Variants in ERCC6L2 observed in about 807,000 individuals in gnomAD.
ERCC6L2 encodes the protein DNA excision repair protein ERCC-6-like 2.
ERCC6L2 carries 77 observed loss-of-function variants against 132.0 expected under a neutral mutation model. The observed-to-expected ratio is 0.58, with a 90% confidence interval of 0.49 to 0.71. The LOEUF is 0.71. Among genes scored for constraint, ERCC6L2 ranks in the 30% least tolerant of loss-of-function variants. ERCC6L2 has a pLI of 0.00. For synonymous variants in ERCC6L2, 583 were observed against 632.4 expected (o/e 0.92, Z 1.17); for missense variants, 1,542 against 1,837.6 (o/e 0.84, Z 2.94).
intron 2 of ERCC6L2, among the ~76,000 whole-genome samples, chr9:95,892,775 C>T (rs989284076): frequency 6.6e-6 from 1 of 152,132 alleles, no homozygotes; most frequent in Non-Finnish European, 1.5e-5. Flanking sequence ...TATTTTGAAG[C>T]TCCGTTATTA....
chr9:95,881,303 T>G lies in ERCC6L2; in HGVS notation c.471+10T>G. 3.2e-6 allele frequency: 5 copies of G among 1,539,810 alleles called. No individual in the cohort carries two copies. Among genetic ancestry groups the G allele is most frequent in the Non-Finnish European group, 4.3e-6 (5 of 1,149,524 alleles). ...TGGAAAAACAGTACAGGTATTTAAT[T>G]ATGTTATAACAGTAAAGTCACTTTA... is the stretch of plus-strand genomic sequence containing the variant. On this transcript the variant is annotated intron_variant, in intron 2 of 18. Transcript: ENST00000653738.
intron 9 of ERCC6L2, 46 bp from the exon 10 acceptor site, chr9:95,928,033 C>T (rs555191751): frequency 7.5e-6 from 10 of 1,335,968 alleles, no homozygotes; most frequent in Middle Eastern, 1.8e-4. Flanking sequence ...ATAAAGTGTA[C>T]TTTTAGTTGG....
chr9:95,973,299 T>C (rs1832512581), intron 16 of ERCC6L2, among the ~76,000 whole-genome samples: 1 of 152,154 alleles, frequency 6.6e-6, no homozygotes. Flanking sequence ...ACCCCCTCCA[T>C]GTGCCCATCT....
At chr9:95,899,159 A>T (rs925169294) in intron 3 of ERCC6L2, among the ~76,000 whole-genome samples, 4 of 152,104 alleles carry the variant, frequency 2.6e-5, no homozygotes, top group Admixed American at 2.6e-4. Flanking sequence ...ATATTATAGA[A>T]CAAGAATGGG....
At chr9:95,939,519 T>C (rs680754) in intron 11 of ERCC6L2, among the ~76,000 whole-genome samples, 101,350 of 152,102 alleles carry the variant, frequency 0.67, 34,792 homozygotes, top group African/African-American at 0.83. Flanking sequence ...CTGTTGTTCA[T>C]ATTTCGTGAA....
intron 19 of ERCC6L2, among the ~76,000 whole-genome samples, chr9:96,027,420 C>A (rs150197892): frequency 1.3e-5 from 2 of 152,230 alleles, no homozygotes; most frequent in Non-Finnish European, 2.9e-5. Flanking sequence ...AGCGACTGGG[C>A]GAGGGAGGAA....
intron 2 of ERCC6L2, among the ~76,000 whole-genome samples, chr9:95,887,574 G>T (rs1309805390): frequency 2.6e-5 from 4 of 152,110 alleles, no homozygotes; most frequent in Non-Finnish European, 5.9e-5. Context: ...ATTTTGCAAA[G>T]CATGAAGACA....
chr9:95,902,361 T>C lies in ERCC6L2; in HGVS notation c.594+4390T>C, dbSNP rs182381483. 4.0e-3 allele frequency among the ~76,000 whole-genome samples: 605 copies of C among 152,222 alleles called. 2 individuals are homozygous for C. The highest frequency in any genetic ancestry group is 0.014 in the African/African-American group (577 of 41,566). On this transcript the variant is annotated intron_variant, in intron 3 of 18. Coordinates refer to ENST00000653738, the MANE Select transcript of ERCC6L2 (RefSeq NM_020207.7). ...AAGCTTTAGAGATTCTAAGTAAAATTCATAATTAATGCAAAAGAGGAGGAT... is the reference window on the plus strand; with the variant it reads ...AAGCTTTAGAGATTCTAAGTAAAATCCATAATTAATGCAAAAGAGGAGGAT...
At chr9:96,012,073 T>TA (rs1331096929) in intron 18 of ERCC6L2, among the ~76,000 whole-genome samples, 152 bp from the exon 19 acceptor site, 1 of 152,244 alleles carries the variant, frequency 6.6e-6, no homozygotes, top group Non-Finnish European at 1.5e-5. Flanking sequence ...TCTACTAGGA[T>TA]AAAATGCGTT....
chr9:96,021,289 GA>G (rs1271700288), downstream of ERCC6L2: 72 of 338,456 alleles, frequency 2.1e-4, no homozygotes, highest in Non-Finnish European at 3.8e-4. This position sits in a 1 kb window ranked among gnomAD's most constrained non-coding sequence, Gnocchi z 4.7. Flanking sequence ...TCTCTGTAAA[GA>G]AAAGAGAAAG....
In ERCC6L2 at chr9:95,876,027, C is replaced by G; in HGVS notation, c.-12C>G. On this transcript the variant is annotated 5_prime_UTR_variant, in exon 1 of 19. Transcript: ENST00000653738. ...TTACATGCAGCCGGGCTCGGCCCCT[C>G]CCCCTGGCCGGATGGATCCGTCGGC... is the stretch of plus-strand genomic sequence containing the variant. 1.9e-6 allele frequency: 3 copies of G among 1,586,972 alleles called. No homozygotes were observed. Among genetic ancestry groups the G allele is most frequent in the Non-Finnish European group, 2.6e-6 (3 of 1,167,544 alleles).
intron 3 of ERCC6L2, 116 bp from the exon 4 acceptor site, chr9:95,906,962 A>G: frequency 1.5e-6 from 1 of 685,890 alleles, no homozygotes; most frequent in Non-Finnish European, 2.5e-6. Flanking sequence ...ATTTATTGTT[A>G]CTAACTAGAT....
intron 19 of ERCC6L2, among the ~76,000 whole-genome samples, chr9:96,038,485 G>A (rs953759206): frequency 1.5e-4 from 23 of 152,246 alleles, no homozygotes; most frequent in South Asian, 6.2e-4. Context: ...ACCTGGGCCT[G>A]AAGAAGGCCA....
chr9:95,967,402 A>G (rs940526905), intron 14 of ERCC6L2: 1 of 152,154 alleles, frequency 6.6e-6, no homozygotes, highest in African/African-American at 2.4e-5. Flanking sequence ...ACTTCAGGAT[A>G]TTTCTCTTGA....
chr9:95,924,045 A>G (rs973500676), intron 9 of ERCC6L2, among the ~76,000 whole-genome samples: 2 of 152,328 alleles, frequency 1.3e-5, no homozygotes, highest in South Asian at 2.1e-4. Flanking sequence ...CCTTGCAACA[A>G]CAGAGTTTGT....
rs1830794749 is a variant in ERCC6L2, at chr9:95,941,455, G to A, written c.1753G>A (p.Ala585Thr). 1.2e-6 allele frequency: 2 copies of A among 1,608,152 alleles called. No homozygotes were observed. Among genetic ancestry groups the A allele is most frequent in the South Asian group, 2.2e-5 (2 of 90,604 alleles). Residue 585 changes from alanine to threonine, a missense_variant and splice_region_variant, in exon 12 of 19, where the codon GCT (alanine) becomes ACT (threonine). Physicochemically the swap from Ala to Thr is moderately conservative, Grantham distance 58. Around this residue, in one of 4 missense-constraint regions of ERCC6L2, gnomAD observed 945 missense variants for 1,105.2 expected, o/e 0.86. Coordinates refer to ENST00000653738, the MANE Select transcript of ERCC6L2 (RefSeq NM_020207.7). ...DVNICLVSTM[A>T]GGLGLNFVGA... ...TTTTTTTTTTTCTCTTTCCTCCAGGGCTGGTGGACTAGGCCTCAATTTTGT... is the reference window on the plus strand; with the variant it reads ...TTTTTTTTTTTCTCTTTCCTCCAGGACTGGTGGACTAGGCCTCAATTTTGT...
chr9:95,923,858 C>G (rs1204805990), intron 9 of ERCC6L2, among the ~76,000 whole-genome samples: 1 of 152,110 alleles, frequency 6.6e-6, no homozygotes, highest in African/African-American at 2.4e-5. Context: ...AGAACTAGAT[C>G]GTAAAGTTGC....
chr9:95,995,022 A>AG (rs1435383804), intron 17 of ERCC6L2, among the ~76,000 whole-genome samples: 7 of 152,228 alleles, frequency 4.6e-5, no homozygotes, highest in Non-Finnish European at 1.0e-4. Flanking sequence ...ATTCTAGTAT[A>AG]GCCTTCTACT....
intron 11 of ERCC6L2, among the ~76,000 whole-genome samples, chr9:95,936,996 T>A (rs771617815): frequency 6.6e-6 from 1 of 152,224 alleles, no homozygotes; most frequent in Non-Finnish European, 1.5e-5. Flanking sequence ...ATGATATGGA[T>A]ACACCACAGT....
Sources: allele counts gnomAD v4.1 joint callset (sites outside exome capture counted in the v4.1 genomes callset), GRCh38; gene constraint gnomAD v4.1.1; regional missense constraint gnomAD v4.1.1; non-coding constraint Gnocchi (gnomAD v3.1); transcripts MANE v1.5; gene names NCBI Gene and HGNC (gene_info 2026-07-23, HGNC 2026-07-21).